SOX6: variants seen among roughly 807,000 people sequenced by gnomAD.
SOX6 encodes the protein SRY-box transcription factor 6, also known as transcription factor SOX-6.
Under a neutral mutation model 97.8 loss-of-function variants are expected in SOX6, and 11 were observed. The observed-to-expected ratio is 0.11, with a 90% CI of 0.07 to 0.19. The LOEUF (loss-of-function observed/expected upper bound fraction) is 0.19. SOX6 is among the 10% of genes least tolerant of loss of function. The pLI, the probability that SOX6 is intolerant of heterozygous loss-of-function variation, is 1.00. For synonymous variants in SOX6, 360 were observed against 371.4 expected (o/e 0.97, Z 0.35); for missense variants, 810 against 1,039.5 (o/e 0.78, Z 3.04).
intron 4 of SOX6, among the ~76,000 whole-genome samples, chr11:16,601,957 G>GA (rs1043107332): frequency 3.4e-4 from 51 of 152,068 alleles, no homozygotes; most frequent in African/African-American, 1.1e-3. Context: ...TGCTACTACT[G>GA]AAAAAATGCC....
intron 2 of SOX6, among the ~76,000 whole-genome samples, chr11:16,720,005 A>G (rs1848248100): frequency 6.6e-6 from 1 of 152,218 alleles, no homozygotes; most frequent in Non-Finnish European, 1.5e-5. Context: ...TTGATATATC[A>G]AAAAGCTTAT....
intron 9 of SOX6, among the ~76,000 whole-genome samples, chr11:16,086,743 CGGAA>C (rs1357531666): frequency 2.6e-5 from 4 of 152,124 alleles, no homozygotes; most frequent in Non-Finnish European, 5.9e-5. Context: ...AGGAAAGCCA[CGGAA>C]TAAGATAAGA....
At position 16,596,948 on chromosome 11, in the gene SOX6, CAATA is replaced by C. The variant is rs1848218610; in HGVS notation, n.609+15129_609+15132del. Among the ~76,000 whole-genome samples, 3 of 151,986 alleles carry C rather than the reference CAATA, an allele frequency of 2.0e-5. No individual in the cohort carries two copies. The South Asian group carries it at 6.2e-4, about 32-fold the overall frequency. On this transcript the variant is annotated intron_variant and non_coding_transcript_variant, in intron 4 of 5. Transcript: ENST00000524520. ...GGCTCTGGAAGTAAGTATGAAAATA[CAATA>C]AATGAGCACTGACATTATATCAAAG...
intron 3 of SOX6, chr11:16,612,277 C>T (rs962056795): frequency 2.9e-5 from 4 of 137,054 alleles, no homozygotes; most frequent in African/African-American, 5.4e-5. Flanking sequence ...AAAAAAAAAT[C>T]TACACGTCAC....
At chr11:16,206,704 ATATTAAAATC>A (rs1852081193) in intron 4 of SOX6, among the ~76,000 whole-genome samples, 1 of 152,254 alleles carries the variant, frequency 6.6e-6, no homozygotes, top group South Asian at 2.1e-4. Flanking sequence ...TATAATGTCT[ATATTAAAATC>A]TATTTTAGAG....
chr11:16,096,453 G>T (rs1342939035), intron 8 of SOX6, among the ~76,000 whole-genome samples: 2 of 151,800 alleles, frequency 1.3e-5, no homozygotes, highest in East Asian at 1.9e-4. Context: ...GTGAAGGTTT[G>T]CAAGAGAGGT....
rs1026613179 is a variant in SOX6, at chr11:15,974,480, G to A, written c.2184-1368C>T. ...ATGTATACATGTGCCATGCTGGTGC[G>A]CTGCACCCACTAATGTGTCATCTAG... On this transcript the variant is annotated intron_variant, in intron 15 of 15. Transcript: ENST00000683767. Among the ~76,000 whole-genome samples, 10 of 140,878 alleles carry A rather than the reference G, an allele frequency of 7.1e-5. No homozygotes were observed. The South Asian group carries it at 9.1e-4, about 13-fold the overall frequency. The allele number at this position is 140,878 out of a possible 152,430, so 92.4% of individuals were successfully genotyped here.
At chr11:16,520,752 G>A (rs998417363) in intron 4 of SOX6, among the ~76,000 whole-genome samples, 3 of 152,180 alleles carry the variant, frequency 2.0e-5, no homozygotes, top group East Asian at 3.9e-4. Flanking sequence ...GACGGCACCT[G>A]GAAAATCAGG....
rs753249265 is a variant in SOX6, at chr11:16,613,991, G to A, written n.430-1731C>T. Among the ~76,000 whole-genome samples, 24 of 152,176 alleles carry A rather than the reference G, an allele frequency of 1.6e-4. No individual in the cohort carries two copies. Among genetic ancestry groups the A allele is most frequent in the Non-Finnish European group, 5.9e-5 (4 of 68,030 alleles). ...ACGCTAGGCGCCGTCTGCCCTCAGAGACTCGGGCTGACAGGAGTGAGAGCT... is the reference window on the plus strand; with the variant it reads ...ACGCTAGGCGCCGTCTGCCCTCAGAAACTCGGGCTGACAGGAGTGAGAGCT... On this transcript the variant is annotated intron_variant and non_coding_transcript_variant, in intron 3 of 5. Coordinates refer to the SOX6 transcript ENST00000524520. This position sits in a 1 kb window ranked among gnomAD's most constrained non-coding sequence, Gnocchi z 4.6.
chr11:16,121,364 C>A (rs1212617739), intron 6 of SOX6, among the ~76,000 whole-genome samples: 2 of 152,006 alleles, frequency 1.3e-5, no homozygotes, highest in African/African-American at 4.8e-5. Flanking sequence ...GAGAAACATG[C>A]TACTCCAAAA....
At chr11:16,118,141 C>A (rs1347176354) in intron 6 of SOX6, among the ~76,000 whole-genome samples, 1 of 152,104 alleles carries the variant, frequency 6.6e-6, no homozygotes, top group African/African-American at 2.4e-5. Flanking sequence ...TGAAAGTAAG[C>A]ACTATCTGGC....
chr11:16,279,312 A>G (rs1854486711), intron 3 of SOX6, among the ~76,000 whole-genome samples: 1 of 152,126 alleles, frequency 6.6e-6, no homozygotes, highest in African/African-American at 2.4e-5. Flanking sequence ...TCATATCAAG[A>G]CTTTATATGA....
intron 4 of SOX6, among the ~76,000 whole-genome samples, chr11:16,210,181 A>G (rs904048066): frequency 6.6e-6 from 1 of 152,224 alleles, no homozygotes; most frequent in Non-Finnish European, 1.5e-5. Flanking sequence ...ACAAAATTTT[A>G]TACACAAATG....
chr11:16,016,681 C>T (rs1262361632), intron 12 of SOX6, among the ~76,000 whole-genome samples: 1 of 152,014 alleles, frequency 6.6e-6, no homozygotes, highest in African/African-American at 2.4e-5. Flanking sequence ...TTGAGTAGCA[C>T]TTTGGTTGTC....
intron 3 of SOX6, among the ~76,000 whole-genome samples, chr11:16,642,167 G>C (rs1260887735): frequency 1.3e-5 from 2 of 152,108 alleles, no homozygotes; most frequent in Non-Finnish European, 2.9e-5. Context: ...CACTTATGAA[G>C]CTTAGTTTGG....
intron 4 of SOX6, among the ~76,000 whole-genome samples, chr11:16,520,914 C>T (rs897607970): frequency 2.6e-5 from 4 of 152,164 alleles, no homozygotes; most frequent in African/African-American, 4.8e-5. Flanking sequence ...AAGGTGGCAG[C>T]GAGGCTGGGG....
chr11:16,360,146 AT>A (rs1320566631), upstream of SOX6, among the ~76,000 whole-genome samples: 1 of 152,152 alleles, frequency 6.6e-6, no homozygotes, highest in African/African-American at 2.4e-5. Flanking sequence ...TAAAAAGTAA[AT>A]ATCATTGTCC....
chr11:16,486,795 C>T lies in SOX6; in HGVS notation n.610-10407G>A, dbSNP rs561951255. 9.2e-5 allele frequency among the ~76,000 whole-genome samples: 14 copies of T among 152,152 alleles called. No homozygotes were observed. The South Asian group carries it at 2.7e-3, about 29-fold the overall frequency. On this transcript the variant is annotated intron_variant and non_coding_transcript_variant, in intron 4 of 5. Coordinates refer to the SOX6 transcript ENST00000524520. ...CCTGGGAGGCAGAGGCAGCAGTGAACCAAGATTGCGCCACTGCACTCTGGC... is the reference window on the plus strand; with the variant it reads ...CCTGGGAGGCAGAGGCAGCAGTGAATCAAGATTGCGCCACTGCACTCTGGC...
chr11:16,409,437 A>G (rs1020213351), intron 1 of SOX6, among the ~76,000 whole-genome samples: 2 of 152,190 alleles, frequency 1.3e-5, no homozygotes, highest in Non-Finnish European at 2.9e-5. Flanking sequence ...AGGTAATATC[A>G]TGAGTTCCTT....
Sources: gnomAD v4.1 joint callset for allele counts (sites outside exome capture counted in the v4.1 genomes callset) on GRCh38, gnomAD v4.1.1 for gene constraint, Gnocchi (gnomAD v3.1) non-coding constraint, MANE v1.5 for transcripts, NCBI Gene and HGNC (gene_info 2026-07-23, HGNC 2026-07-21) for gene names.